COBLL1: variants seen among roughly 807,000 people sequenced by gnomAD.
The protein encoded by COBLL1 is cordon-bleu protein-like 1.
In COBLL1, 50 loss-of-function variants were observed where a neutral mutation model predicts 94.8. That is an observed-to-expected ratio of 0.53 (90% confidence interval 0.42 to 0.67). COBLL1 has a LOEUF of 0.67. Among genes scored for constraint, COBLL1 ranks in the 30% least tolerant of loss-of-function variants. The probability of loss-of-function intolerance (pLI) is 0.00; values close to 1 mark genes in which losing one functional copy is unlikely to be tolerated. For synonymous variants in COBLL1, 448 were observed against 473.8 expected, an observed-to-expected ratio of 0.95 and a Z score of 0.71; for missense variants, 1,362 against 1,348.7, an observed-to-expected ratio of 1.01 and a Z score of -0.15.
At chr2:164,694,233 A>C (rs1558923905) in intron 12 of COBLL1, 36 bp downstream of exon 12, 3 of 1,572,824 alleles carry the variant, frequency 1.9e-6, no homozygotes, top group Non-Finnish European at 2.6e-6. Flanking sequence ...CATGTCATTA[A>C]ATTTGAATAC....
chr2:164,793,469 C>T lies in COBLL1; in HGVS notation c.41+47687G>A, dbSNP rs542158946. On this transcript the variant is annotated intron_variant, in intron 2 of 13. Transcript: ENST00000652658. ...GGTATTTTCATGTTATTTTGACATA[C>T]GTTTTACTGTGCTGAAAAATACTAA... Among the ~76,000 whole-genome samples, 23 of 152,148 alleles carry T rather than the reference C, an allele frequency of 1.5e-4. No individual in the cohort carries two copies. The Middle Eastern group carries it at 0.01, about 68-fold the overall frequency.
At chr2:164,711,202 T>C (rs1297379252) in intron 7 of COBLL1, among the ~76,000 whole-genome samples, 6 of 152,232 alleles carry the variant, frequency 3.9e-5, no homozygotes, top group African/African-American at 1.4e-4. Context: ...TGAAATATTA[T>C]ATGTAAAATA....
At chr2:164,800,453 T>G in intron 2 of COBLL1, 1 of 656,374 alleles carries the variant, frequency 1.5e-6, no homozygotes, top group South Asian at 1.7e-5. Flanking sequence ...AATAAAATTC[T>G]CATGCACTCT....
Position 164,704,918 on chromosome 2 carries a change from T to C in COBLL1, c.1150+34A>G, listed in dbSNP as rs201810649. 10 of 1,519,650 alleles carry C rather than the reference T, an allele frequency of 6.6e-6. No homozygotes were observed. The East Asian group carries it at 2.3e-4, about 36-fold the overall frequency. The allele number at this position is 1,519,650 out of a possible 1,614,324, so 94.1% of individuals were successfully genotyped here. A position where few individuals can be genotyped will look rare whatever the true frequency, so the allele number is the denominator to read the frequency against. On this transcript the variant is annotated intron_variant, in intron 8 of 13. Transcript: ENST00000652658. ...ACTGTCCATATTAAACAAAACACAA[T>C]ACAAATGTAATGTTAATGAAACAAC...
At chr2:164,773,856 G>T in intron 2 of COBLL1, 1 of 526,036 alleles carries the variant, frequency 1.9e-6, no homozygotes, top group African/African-American at 2.1e-5. Context: ...TGGCAAATAT[G>T]TAAAAGAAGG....
At chr2:164,738,411 C>T (rs925863259) in intron 3 of COBLL1, 6 of 152,216 alleles carry the variant, frequency 3.9e-5, no homozygotes, top group African/African-American at 1.4e-4. Context: ...AATGTACCCA[C>T]ATATTTCCTT....
intron 2 of COBLL1, among the ~76,000 whole-genome samples, chr2:164,784,692 A>C (rs1688869020): frequency 6.6e-6 from 1 of 152,060 alleles, no homozygotes; most frequent in Non-Finnish European, 1.5e-5. Flanking sequence ...ATTCATGGGT[A>C]ATCAGGGTGC....
intron 1 of COBLL1, among the ~76,000 whole-genome samples, chr2:164,671,665 G>T (rs766732673): frequency 6.6e-6 from 1 of 151,990 alleles, no homozygotes; most frequent in Non-Finnish European, 1.5e-5. Flanking sequence ...TGCTTCCAGA[G>T]CTTTATGAGG....
downstream of COBLL1, among the ~76,000 whole-genome samples, chr2:164,676,455 G>C (rs2105390617): frequency 1.3e-5 from 2 of 152,214 alleles, no homozygotes; most frequent in South Asian, 4.1e-4. Context: ...AAGAAATGAA[G>C]GCATTCTATA....
intron 3 of COBLL1, among the ~76,000 whole-genome samples, chr2:164,734,486 C>G (rs567232259): frequency 7.2e-5 from 11 of 152,246 alleles, no homozygotes; most frequent in African/African-American, 2.4e-4. Flanking sequence ...AGACAGAAAG[C>G]CTCCAAAGAG....
intron 5 of COBLL1, among the ~76,000 whole-genome samples, chr2:164,726,546 C>A (rs1002384779): frequency 6.6e-6 from 1 of 152,006 alleles, no homozygotes; most frequent in Non-Finnish European, 1.5e-5. Flanking sequence ...CCCTACCACC[C>A]AAAGGTAACC....
At chr2:164,726,860 G>A (rs754804329) in intron 5 of COBLL1, among the ~76,000 whole-genome samples, 16 of 151,944 alleles carry the variant, frequency 1.1e-4, no homozygotes, top group African/African-American at 2.4e-4. Flanking sequence ...TAAAGAATAC[G>A]TTTTCCCACA....
At chr2:164,807,572 T>C (rs1684239273) in intron 2 of COBLL1, among the ~76,000 whole-genome samples, 1 of 152,202 alleles carries the variant, frequency 6.6e-6, no homozygotes, top group South Asian at 2.1e-4. Context: ...GTTGAATTTC[T>C]TATTCATGTT....
At chr2:164,765,019 A>ATT (rs1687865950) in intron 2 of COBLL1, among the ~76,000 whole-genome samples, 1 of 152,198 alleles carries the variant, frequency 6.6e-6, no homozygotes, top group African/African-American at 2.4e-5. Flanking sequence ...TAATTAGAAA[A>ATT]TTATTGGTTT....
At chr2:164,818,498 T>C (rs1224875507) in intron 2 of COBLL1, among the ~76,000 whole-genome samples, 1 of 149,042 alleles carries the variant, frequency 6.7e-6, no homozygotes, top group Non-Finnish European at 1.5e-5. Flanking sequence ...TATACATATT[T>C]ACAATGTATA....
At chr2:164,779,095 T>C (rs965136827) in intron 2 of COBLL1, among the ~76,000 whole-genome samples, 2 of 141,816 alleles carry the variant, frequency 1.4e-5, no homozygotes, top group Non-Finnish European at 3.1e-5. Flanking sequence ...ATGAGATCAA[T>C]TGCTTGTTGT....
chr2:164,801,778 T>C (rs551794007), intron 2 of COBLL1, among the ~76,000 whole-genome samples: 162 of 152,316 alleles, frequency 1.1e-3, no homozygotes, highest in African/African-American at 3.2e-3. Context: ...AAAGTAAAAG[T>C]ATCCATGACA....
intron 2 of COBLL1, among the ~76,000 whole-genome samples, chr2:164,807,859 A>T (rs992121): frequency 0.35 from 53,717 of 151,870 alleles, 9,709 homozygotes; most frequent in Admixed American, 0.41. Context: ...TCTCGTTGTC[A>T]CCTAGGCTGA....
At chr2:164,658,456 G>A (rs1228729012) in intron 2 of COBLL1, among the ~76,000 whole-genome samples, 1 of 152,078 alleles carries the variant, frequency 6.6e-6, no homozygotes, top group Non-Finnish European at 1.5e-5. Flanking sequence ...CTGCATCTGG[G>A]GCTCCATTTG....
Sources: gnomAD v4.1 joint callset for allele counts (sites outside exome capture counted in the v4.1 genomes callset) on GRCh38, gnomAD v4.1.1 for gene constraint, MANE v1.5 for transcripts, NCBI Gene and HGNC (gene_info 2026-07-23, HGNC 2026-07-21) for gene names.